The following SGCZ variants were observed in gnomAD, a reference collection of about 807,000 sequenced individuals.
SGCZ encodes the protein zeta-sarcoglycan.
A neutral mutation model predicts 41.3 loss-of-function variants in SGCZ; 40 were observed. That is an observed-to-expected ratio of 0.97 (90% confidence interval 0.75 to 1.26). The LOEUF (loss-of-function observed/expected upper bound fraction) is 1.26, where lower values mean the gene tolerates loss of function less well. Ranked by LOEUF, SGCZ falls within the 50% of genes most tolerant of loss-of-function variation. The pLI, the probability that SGCZ is intolerant of heterozygous loss-of-function variation, is 0.00. For missense variants in SGCZ, 552 were observed against 369.8 expected, an observed-to-expected ratio of 1.49 and a Z score of -4.04; for synonymous variants, 206 against 137.5, an observed-to-expected ratio of 1.50 and a Z score of -3.49.
At chr8:15,085,589 G>A (rs1278433008) in intron 1 of SGCZ, among the ~76,000 whole-genome samples, 2 of 152,084 alleles carry the variant, frequency 1.3e-5, no homozygotes, top group African/African-American at 2.4e-5. Context: ...TGACAGCTTG[G>A]CCATGGCAAG....
chr8:14,481,181 GTTAA>G lies in SGCZ; in HGVS notation c.234+73547_234+73550del, dbSNP rs368880963. Among the ~76,000 whole-genome samples, 56 of 151,342 alleles carry G rather than the reference GTTAA, an allele frequency of 3.7e-4. No homozygotes were observed. The East Asian group carries it at 8.2e-3, about 22-fold the overall frequency. ...TATACAAAATATGAAAACATGAATA[GTTAA>G]TTAATATATGATGCTTAATTTTGGT... is the stretch of plus-strand genomic sequence containing the variant. On this transcript the variant is annotated intron_variant, in intron 2 of 7. Coordinates refer to ENST00000382080, the MANE Select transcript of SGCZ (RefSeq NM_139167.4).
intron 1 of SGCZ, among the ~76,000 whole-genome samples, chr8:14,605,102 G>A (rs761764826): frequency 6.6e-6 from 1 of 152,064 alleles, no homozygotes; most frequent in South Asian, 2.1e-4. Context: ...CCTGGCTCCC[G>A]TTAATTTGTT....
chr8:14,340,959 C>G (rs2117077476), intron 2 of SGCZ, among the ~76,000 whole-genome samples: 1 of 152,224 alleles, frequency 6.6e-6, no homozygotes, highest in Admixed American at 6.5e-5. Flanking sequence ...TCTCCCCCAG[C>G]CCCTGGTAAC....
intron 5 of SGCZ, among the ~76,000 whole-genome samples, chr8:14,148,086 G>A (rs2116943801): frequency 6.6e-6 from 1 of 152,064 alleles, no homozygotes; most frequent in East Asian, 1.9e-4. Flanking sequence ...AGATATAAGT[G>A]CCTTTATCAA....
chr8:14,798,372 A>G (rs1344540004), intron 1 of SGCZ, among the ~76,000 whole-genome samples: 2 of 152,208 alleles, frequency 1.3e-5, no homozygotes, highest in African/African-American at 2.4e-5. Context: ...AAAACTATTT[A>G]TCATAAAGTA....
intron 1 of SGCZ, among the ~76,000 whole-genome samples, chr8:14,691,442 C>T (rs1034540492): frequency 3.3e-5 from 5 of 151,914 alleles, no homozygotes; most frequent in Admixed American, 6.6e-5. Context: ...CAAAGGATGA[C>T]CTAGCGTGGG....
intron 4 of SGCZ, among the ~76,000 whole-genome samples, chr8:14,195,218 G>C (rs1824733): frequency 0.99 from 151,416 of 152,208 alleles, 75,320 homozygotes; most frequent in East Asian, 1. Flanking sequence ...CTGCTGTCTG[G>C]AGAAAAGTCA....
At chr8:14,874,958 C>A (rs915567248) in intron 1 of SGCZ, among the ~76,000 whole-genome samples, 1 of 152,114 alleles carries the variant, frequency 6.6e-6, no homozygotes, top group African/African-American at 2.4e-5. Flanking sequence ...TGAGTCTGAC[C>A]TAATCAGGTG....
At position 15,172,152 on chromosome 8, in the gene SGCZ, C is replaced by CGGTTTTTTTTTT. The variant is rs1322884184; in HGVS notation, c.39+65432_39+65433insAAAAAAAAAACC. On this transcript the variant is annotated intron_variant, in intron 1 of 7. Transcript: ENST00000382080. The stretch of plus-strand genomic sequence containing the variant: ...AAAGGAAAAAAATGCCTTTTATACT[C>CGGTTTTTTTTTT]TGTTTTTTTTTTTTTTTTTTTTTTT... 1.4e-4 allele frequency among the ~76,000 whole-genome samples: 10 copies of CGGTTTTTTTTTT among 70,556 alleles called. 1 individual carries two copies. The highest frequency in any genetic ancestry group is 1.6e-4 in the Non-Finnish European group (6 of 36,928). The allele number at this position is 70,556 out of a possible 152,430, so 46.3% of individuals were successfully genotyped here.
At chr8:14,939,746 A>T (rs1800206322) in intron 1 of SGCZ, among the ~76,000 whole-genome samples, 1 of 152,106 alleles carries the variant, frequency 6.6e-6, no homozygotes, top group Non-Finnish European at 1.5e-5. Flanking sequence ...CCCAGGTAAG[A>T]CCGGCGCAAA....
intron 2 of SGCZ, among the ~76,000 whole-genome samples, chr8:14,440,154 AG>A (rs1165940141): frequency 6.6e-6 from 1 of 152,036 alleles, no homozygotes; most frequent in Non-Finnish European, 1.5e-5. Context: ...AAAAACTACA[AG>A]GTGTTTGTTT....
At chr8:14,764,266 A>G (rs1232028199) in intron 1 of SGCZ, among the ~76,000 whole-genome samples, 1 of 152,216 alleles carries the variant, frequency 6.6e-6, no homozygotes, top group South Asian at 2.1e-4. Context: ...GAAAGCCCCA[A>G]TTAACTCAGA....
Position 14,337,681 on chromosome 8 carries a change from T to C in SGCZ, c.235-13477A>G, listed in dbSNP as rs183100706. On this transcript the variant is annotated intron_variant, in intron 2 of 7. Transcript: ENST00000382080. ...AGGGTCGGAAAACCTACCAAATGAG[T>C]ATGATCTATGGAAAAGCACAGAGGA... Among the ~76,000 whole-genome samples, 423 of 151,976 alleles carry C rather than the reference T, an allele frequency of 2.8e-3. 3 individuals are homozygous for C. Among genetic ancestry groups the C allele is most frequent in the African/African-American group, 9.4e-3 (389 of 41,442 alleles).
chr8:15,061,334 G>A (rs530374544), intron 1 of SGCZ, among the ~76,000 whole-genome samples: 96 of 151,276 alleles, frequency 6.3e-4, no homozygotes, highest in Non-Finnish European at 1.1e-3. Flanking sequence ...GTAGAACAAT[G>A]AGAACACATG....
chr8:14,224,395 A>T (rs898887390), intron 4 of SGCZ, among the ~76,000 whole-genome samples: 1 of 152,156 alleles, frequency 6.6e-6, no homozygotes, highest in Non-Finnish European at 1.5e-5. Context: ...CTAGGGGCAG[A>T]CATAGAGGGA....
intron 5 of SGCZ, among the ~76,000 whole-genome samples, chr8:14,133,616 TA>T (rs1177624345): frequency 6.6e-6 from 1 of 152,194 alleles, no homozygotes; most frequent in African/African-American, 2.4e-5. Context: ...GTAGGACAAG[TA>T]AAAAACTCCT....
intron 1 of SGCZ, among the ~76,000 whole-genome samples, chr8:14,721,003 C>A (rs1809867627): frequency 6.6e-6 from 1 of 150,970 alleles, no homozygotes; most frequent in Admixed American, 6.6e-5. Context: ...CCTGTATCAG[C>A]AGCATTTAAC....
intron 1 of SGCZ, among the ~76,000 whole-genome samples, chr8:14,709,212 TGTTCA>T (rs1809436188): frequency 2.0e-5 from 3 of 152,206 alleles, no homozygotes; most frequent in Non-Finnish European, 4.4e-5. Context: ...AGAGATTATC[TGTTCA>T]CCAACTTGAA....
chr8:14,183,709 T>G (rs950805901), intron 4 of SGCZ, among the ~76,000 whole-genome samples: 1 of 152,172 alleles, frequency 6.6e-6, no homozygotes, highest in Non-Finnish European at 1.5e-5. Context: ...CTATACGTAT[T>G]AAACACTTGA....
Sources: allele counts gnomAD v4.1 joint callset (sites outside exome capture counted in the v4.1 genomes callset), GRCh38; gene constraint gnomAD v4.1.1; transcripts MANE v1.5; gene names NCBI Gene and HGNC (gene_info 2026-07-23, HGNC 2026-07-21).